The following RGS10 variants were observed in gnomAD, a reference collection of about 807,000 sequenced individuals.
The protein encoded by RGS10 is regulator of G-protein signalling 10.
In RGS10, 11 loss-of-function variants were observed where a neutral mutation model predicts 23.5. The ratio of observed to expected loss-of-function variants is 0.47; its 90% CI spans 0.29 to 0.77. RGS10 has a LOEUF of 0.77. RGS10 is among the 30% of genes least tolerant of loss of function. The pLI is 0.08. For missense variants in RGS10, 180 were observed against 226.3 expected (o/e 0.80, Z 1.31); for synonymous variants, 77 against 83.2 (o/e 0.92, Z 0.41).
chr10:119,509,878 AG>A (rs1319052943), intron 4 of RGS10, among the ~76,000 whole-genome samples: 1 of 150,524 alleles, frequency 6.6e-6, no homozygotes, highest in Non-Finnish European at 1.5e-5. Flanking sequence ...CTCAGGGCCA[AG>A]CTCATGCATG....
intron 4 of RGS10, among the ~76,000 whole-genome samples, chr10:119,513,773 C>T (rs1039141695): frequency 7.9e-5 from 12 of 152,144 alleles, no homozygotes; most frequent in Non-Finnish European, 4.4e-5. Flanking sequence ...TCCCTCTGCT[C>T]CAGGGGCCTC....
chr10:119,511,772 C>A (rs1027715921), intron 4 of RGS10, among the ~76,000 whole-genome samples: 1 of 152,148 alleles, frequency 6.6e-6, no homozygotes, highest in Non-Finnish European at 1.5e-5. Flanking sequence ...CATGGTGCGG[C>A]GTGTGGCAAT....
intron 3 of RGS10, among the ~76,000 whole-genome samples, chr10:119,523,007 A>AT (rs10707569): frequency 0.01 from 1,426 of 142,402 alleles, 8 homozygotes; most frequent in Non-Finnish European, 0.014. Context: ...TGTCTAGCTA[A>AT]TTTTTTTTTT....
chr10:119,530,851 C>T (rs72840717), intron 1 of RGS10, among the ~76,000 whole-genome samples: 10,336 of 152,200 alleles, frequency 0.068, 448 homozygotes, highest in South Asian at 0.15. Context: ...AAAGCAGAAA[C>T]CCAGAAACCC....
intron 1 of RGS10, among the ~76,000 whole-genome samples, chr10:119,532,224 T>C (rs1177268403): frequency 6.6e-6 from 1 of 152,192 alleles, no homozygotes; most frequent in Non-Finnish European, 1.5e-5. Flanking sequence ...TTGACTGATA[T>C]CAGTATAGAC....
At chr10:119,519,326 C>T (rs1844182758) in intron 3 of RGS10, among the ~76,000 whole-genome samples, 1 of 147,798 alleles carries the variant, frequency 6.8e-6, no homozygotes, top group Non-Finnish European at 1.5e-5. Flanking sequence ...TCCTGTCTCC[C>T]TGTCTGTCCC....
intron 3 of RGS10, among the ~76,000 whole-genome samples, chr10:119,522,852 G>A (rs1372560278): frequency 2.0e-5 from 3 of 151,580 alleles, no homozygotes; most frequent in Admixed American, 2.0e-4. Flanking sequence ...ACTAGGGAAT[G>A]CCTGGAGTCA....
intron 4 of RGS10, among the ~76,000 whole-genome samples, chr10:119,506,075 C>A (rs1029584169): frequency 6.6e-6 from 1 of 152,336 alleles, no homozygotes; most frequent in Non-Finnish European, 1.5e-5. Flanking sequence ...GGACTACAGA[C>A]GTGCTTTTGT....
At chr10:119,536,873 A>G (rs2277267) in intron 1 of RGS10, among the ~76,000 whole-genome samples, 6,506 of 152,096 alleles carry the variant, frequency 0.043, 265 homozygotes, top group East Asian at 0.13. Flanking sequence ...CTCTGCCTCA[A>G]TCTGTCCCGC....
intron 4 of RGS10, among the ~76,000 whole-genome samples, chr10:119,506,711 ATTTT>A (rs1395476883): frequency 6.6e-6 from 1 of 151,902 alleles, no homozygotes; most frequent in Non-Finnish European, 1.5e-5. Context: ...TTATTTATTT[ATTTT>A]TTTTGAGACG....
At chr10:119,520,809 C>CAAAAAAAAAAAAAA (rs58487462) in intron 3 of RGS10, among the ~76,000 whole-genome samples, 12 of 126,072 alleles carry the variant, frequency 9.5e-5, no homozygotes, top group African/African-American at 2.4e-4. Flanking sequence ...TCTCCAAAAG[C>CAAAAAAAAAAAAAA]AAAAAAAAAA....
At chr10:119,530,855 G>A (rs1173940375) in intron 1 of RGS10, among the ~76,000 whole-genome samples, 1 of 152,158 alleles carries the variant, frequency 6.6e-6, no homozygotes, top group African/African-American at 2.4e-5. Flanking sequence ...CAGAAACCCA[G>A]AAACCCAGCA....
intron 4 of RGS10, among the ~76,000 whole-genome samples, chr10:119,514,566 G>A (rs1479849568): frequency 1.3e-5 from 2 of 150,934 alleles, no homozygotes; most frequent in African/African-American, 4.9e-5. Flanking sequence ...GCTGAGGCAT[G>A]AGAATCGCTT....
chr10:119,542,188 G>T (rs1190935250), intron 1 of RGS10, among the ~76,000 whole-genome samples: 1 of 152,192 alleles, frequency 6.6e-6, no homozygotes, highest in Non-Finnish European at 1.5e-5. Flanking sequence ...TCCCCCGGGC[G>T]CTCGGCATCC....
intron 4 of RGS10, among the ~76,000 whole-genome samples, chr10:119,510,841 C>T (rs998822004): frequency 2.7e-4 from 41 of 152,124 alleles, no homozygotes; most frequent in Non-Finnish European, 1.8e-4. Context: ...GCCTCAGCCT[C>T]CCGAGTAGCT....
At chr10:119,535,280 A>AG (rs963328518) in intron 1 of RGS10, among the ~76,000 whole-genome samples, 14 of 152,090 alleles carry the variant, frequency 9.2e-5, no homozygotes, top group African/African-American at 1.2e-4. Flanking sequence ...AGAAAAAAAA[A>AG]AAAAAAAAGT....
intron 1 of RGS10, 103 bp downstream of exon 1, chr10:119,542,487 G>A: frequency 1.9e-6 from 2 of 1,044,962 alleles, no homozygotes; most frequent in Admixed American, 4.2e-5. Flanking sequence ...TCCAGTCTGG[G>A]AGGTACCACC....
intron 1 of RGS10, chr10:119,536,392 G>A: frequency 3.5e-6 from 5 of 1,417,924 alleles, no homozygotes; most frequent in Non-Finnish European, 9.9e-7. Flanking sequence ...ACTCTTCCCA[G>A]CCCCTGCCCC....
At chr10:119,514,352 G>A (rs1183362020) in intron 4 of RGS10, among the ~76,000 whole-genome samples, 1 of 150,282 alleles carries the variant, frequency 6.7e-6, no homozygotes, top group East Asian at 2.0e-4. Flanking sequence ...GTGAGACTTC[G>A]TTTCAAAGAA....
Sources: allele counts gnomAD v4.1 joint callset (sites outside exome capture counted in the v4.1 genomes callset), GRCh38; gene constraint gnomAD v4.1.1; transcripts MANE v1.5; gene names NCBI Gene and HGNC (gene_info 2026-07-23, HGNC 2026-07-21).